Variants in ANO1 observed in about 807,000 individuals in gnomAD.
ANO1 encodes the protein anoctamin 1, also known as anoctamin-1.
Under a neutral mutation model 124.0 loss-of-function variants are expected in ANO1, and 59 were observed. That is an observed-to-expected ratio of 0.48 (90% confidence interval 0.39 to 0.59). The LOEUF (loss-of-function observed/expected upper bound fraction) is 0.59, where lower values mean the gene tolerates loss of function less well. ANO1 is among the 20% of genes least tolerant of loss of function. ANO1 has a pLI of 0.00. For synonymous variants in ANO1, 529 were observed against 532.0 expected (o/e 0.99, Z 0.08); for missense variants, 1,059 against 1,328.0 (o/e 0.80, Z 3.15).
intron 1 of ANO1, among the ~76,000 whole-genome samples, chr11:69,994,226 A>G (rs4391849): frequency 0.13 from 19,118 of 152,038 alleles, 1,586 homozygotes; most frequent in East Asian, 0.44. Context: ...TGGGAATTAA[A>G]CCCACCATTT....
intron 7 of ANO1, among the ~76,000 whole-genome samples, chr11:70,116,173 C>T (rs995057644): frequency 1.1e-4 from 16 of 152,136 alleles, no homozygotes; most frequent in Non-Finnish European, 2.2e-4. Flanking sequence ...AGGACCCGAC[C>T]GTGGATCCTC....
At chr11:69,992,701 T>C (rs11823127) in intron 1 of ANO1, among the ~76,000 whole-genome samples, 37,918 of 152,144 alleles carry the variant, frequency 0.25, 4,798 homozygotes, top group African/African-American at 0.27. Context: ...GATTGCCTTG[T>C]TGCTGCAGGA....
chr11:70,103,248 G>C, intron 3 of ANO1, 84 bp downstream of exon 3: 1 of 1,092,798 alleles, frequency 9.2e-7, no homozygotes, highest in East Asian at 2.6e-5. Context: ...TGCCGACCTC[G>C]AGGCCCTGAG....
At chr11:70,173,349 C>T (rs901533632) in intron 22 of ANO1, among the ~76,000 whole-genome samples, 3 of 152,176 alleles carry the variant, frequency 2.0e-5, no homozygotes, top group African/African-American at 7.2e-5. Context: ...TTCCCTACAT[C>T]ACCTCTTCTC....
chr11:69,996,177 T>C (rs2120333629), intron 1 of ANO1, among the ~76,000 whole-genome samples: 1 of 152,280 alleles, frequency 6.6e-6, no homozygotes, highest in East Asian at 1.9e-4. Flanking sequence ...TAGAAGGATT[T>C]AGATTGGAAC....
At chr11:70,111,211 G>T (rs72941226) in intron 6 of ANO1, 1 of 457,702 alleles carries the variant, frequency 2.2e-6, no homozygotes. Context: ...GGCCTCCTCC[G>T]GCTTTCCCAA....
At chr11:70,115,006 G>A (rs1254586846) in intron 7 of ANO1, among the ~76,000 whole-genome samples, 1 of 152,148 alleles carries the variant, frequency 6.6e-6, no homozygotes, top group East Asian at 1.9e-4. Flanking sequence ...CCAGCATAAG[G>A]ACCTCCGTAT....
At chr11:70,152,644 C>T (rs2047651650) in intron 13 of ANO1, among the ~76,000 whole-genome samples, 183 bp downstream of exon 13, 1 of 152,244 alleles carries the variant, frequency 6.6e-6, no homozygotes, top group South Asian at 2.1e-4. Flanking sequence ...GCACCCTTCG[C>T]TGACCTGCGC....
At chr11:69,976,565 G>GAT in the ANO1 span, among the ~76,000 whole-genome samples, 1 of 138,060 alleles carries the variant, frequency 7.2e-6, no homozygotes, top group South Asian at 2.3e-4. Flanking sequence ...GAGAGAGAGA[G>GAT]AGAGATTAGG....
At chr11:70,152,074 C>T (rs963658941) in intron 12 of ANO1, among the ~76,000 whole-genome samples, 2 of 152,142 alleles carry the variant, frequency 1.3e-5, no homozygotes, top group Non-Finnish European at 2.9e-5. Context: ...CGGTGGCTCA[C>T]GCCTGTAACC....
In ANO1 at chr11:70,108,349, A is replaced by T. The variant is rs745574939; in HGVS notation, c.748-4A>T. 1 of 1,609,150 alleles carries T rather than the reference A, an allele frequency of 6.2e-7. No homozygotes were observed. Among genetic ancestry groups the T allele is most frequent in the Non-Finnish European group, 8.5e-7 (1 of 1,176,326 alleles). On this transcript the variant is annotated splice_polypyrimidine_tract_variant and splice_region_variant and intron_variant, in intron 5 of 25. Transcript: ENST00000355303. ...GCTCACCCCCCTTCTTGTCTCTGCA[A>T]TAGGTCTATGAGATCTTGAAGAGAA...
At chr11:70,095,403 AAAGAAAGAAAGAAAG>A (rs1241601118) in intron 2 of ANO1, among the ~76,000 whole-genome samples, 4 of 43,836 alleles carry the variant, frequency 9.1e-5, no homozygotes, top group Admixed American at 3.2e-4. Context: ...AGAAAGAAAG[AAAGAAAGAAAGAAAG>A]AAAGAAAGAA....
chr11:70,073,409 C>A (rs2044008358), upstream of ANO1, among the ~76,000 whole-genome samples: 1 of 152,188 alleles, frequency 6.6e-6, no homozygotes, highest in Non-Finnish European at 1.5e-5. Context: ...GCTGTAATCA[C>A]CCTAACCGCG....
At chr11:70,184,360 G>T (rs1191032995) in intron 24 of ANO1, among the ~76,000 whole-genome samples, 3 of 152,138 alleles carry the variant, frequency 2.0e-5, no homozygotes, top group African/African-American at 7.2e-5. Flanking sequence ...ACTGGAGCAC[G>T]GGCAGTGGTC....
chr11:70,053,643 G>C (rs1857388029), intron 1 of ANO1, among the ~76,000 whole-genome samples: 1 of 152,052 alleles, frequency 6.6e-6, no homozygotes, highest in Non-Finnish European at 1.5e-5. Context: ...GGATTTATAA[G>C]ATATATGTAT....
chr11:70,163,710 G>A (rs1017202370), intron 19 of ANO1: 23 of 482,462 alleles, frequency 4.8e-5, no homozygotes, highest in East Asian at 3.3e-4. Context: ...GCCGAGACTC[G>A]TGGATCACCT....
At chr11:70,082,833 T>G (rs1433264224) in intron 1 of ANO1, among the ~76,000 whole-genome samples, 1 of 152,136 alleles carries the variant, frequency 6.6e-6, no homozygotes, top group East Asian at 1.9e-4. Flanking sequence ...TGCATTCACC[T>G]CCCGACTCTC....
chr11:70,008,583 T>C (rs779969774), intron 1 of ANO1, among the ~76,000 whole-genome samples: 4 of 152,144 alleles, frequency 2.6e-5, no homozygotes, highest in Non-Finnish European at 5.9e-5. Context: ...GGCTCTCTGT[T>C]CTGTTCCATT....
chr11:70,162,960 G>A (rs768295126), intron 18 of ANO1, among the ~76,000 whole-genome samples: 15 of 152,256 alleles, frequency 9.9e-5, no homozygotes, highest in Non-Finnish European at 1.8e-4. Flanking sequence ...GGCAGCTAGC[G>A]CAGCAGCTTG....
Sources: gnomAD v4.1 joint callset for allele counts (sites outside exome capture counted in the v4.1 genomes callset) on GRCh38, gnomAD v4.1.1 for gene constraint, MANE v1.5 for transcripts, NCBI Gene and HGNC (gene_info 2026-07-23, HGNC 2026-07-21) for gene names.